The following RABEPK variants were observed in gnomAD, a reference collection of about 807,000 sequenced individuals.
RABEPK encodes the protein 40 kDa Rab9 effector protein.
In RABEPK, 27 loss-of-function variants were observed where a neutral mutation model predicts 34.1. The observed-to-expected ratio is 0.79, with a 90% CI of 0.58 to 1.09. The LOEUF (loss-of-function observed/expected upper bound fraction) is 1.09. Ranked by LOEUF, RABEPK falls within the 50% of genes least tolerant of loss-of-function variation. RABEPK has a pLI of 0.00. For synonymous variants in RABEPK, 172 were observed against 169.2 expected (o/e 1.02, Z -0.13); for missense variants, 449 against 462.6 (o/e 0.97, Z 0.27).
intron 2 of RABEPK, among the ~76,000 whole-genome samples, chr9:125,205,251 A>G (rs565553043): frequency 3.8e-4 from 58 of 152,246 alleles, no homozygotes; most frequent in Non-Finnish European, 6.0e-4. Context: ...GCATGTCCTC[A>G]TACTATATAT....
chr9:125,221,339 A>T (rs1831317817), intron 5 of RABEPK: 1 of 151,644 alleles, frequency 6.6e-6, no homozygotes, highest in Non-Finnish European at 1.5e-5. Context: ...TCTACTAAAA[A>T]TACAAAAATT....
intron 6 of RABEPK, among the ~76,000 whole-genome samples, chr9:125,230,345 G>T (rs1372233466): frequency 6.6e-6 from 1 of 152,130 alleles, no homozygotes; most frequent in Non-Finnish European, 1.5e-5. Flanking sequence ...ACAATGGGCA[G>T]AAGGCATGGG....
intron 4 of RABEPK, among the ~76,000 whole-genome samples, chr9:125,219,453 G>A (rs1056111343): frequency 6.6e-6 from 1 of 151,682 alleles, no homozygotes; most frequent in Non-Finnish European, 1.5e-5. Context: ...GGAGTGCAGT[G>A]GCATGATCTC....
intron 3 of RABEPK, among the ~76,000 whole-genome samples, chr9:125,208,019 C>T (rs188835998): frequency 4.4e-4 from 67 of 151,996 alleles, no homozygotes; most frequent in African/African-American, 1.2e-3. Flanking sequence ...CCCAGCTACT[C>T]GGGAGGCTGA....
rs1829863693 is a variant in RABEPK, at chr9:125,200,861, C to CT, written c.-51dup. 4.2e-6 allele frequency: 2 copies of CT among 471,110 alleles called. No individual in the cohort carries two copies. Among genetic ancestry groups the CT allele is most frequent in the Non-Finnish European group, 8.8e-6 (2 of 227,076 alleles). The allele number at this position is 471,110 out of a possible 1,614,324, so 29.2% of individuals were successfully genotyped here. A position where few individuals can be genotyped will look rare whatever the true frequency, so the allele number is the denominator to read the frequency against. On this transcript the variant is annotated 5_prime_UTR_variant, in exon 1 of 8. Coordinates refer to ENST00000373538, the MANE Select transcript of RABEPK (RefSeq NM_005833.4). ...TCCCGCCCACGTGAAGCCAGCCTAA[C>CT]TGAGCTCTGGACTTTGGGGACAGCT...
chr9:125,207,506 G>A (rs420423), intron 2 of RABEPK, 58 bp from the exon 3 acceptor site: 713,939 of 1,529,002 alleles, frequency 0.47, 170,017 homozygotes, highest in East Asian at 0.66. Context: ...AATGGAAAGA[G>A]CACACTACTG....
chr9:125,224,524 C>T (rs1042172571), intron 5 of RABEPK, among the ~76,000 whole-genome samples: 2 of 149,432 alleles, frequency 1.3e-5, no homozygotes, highest in East Asian at 4.0e-4. Context: ...ACAATCTTGG[C>T]TCACTGCAAC....
At chr9:125,229,588 C>G (rs1008648723) in intron 6 of RABEPK, among the ~76,000 whole-genome samples, 1 of 152,158 alleles carries the variant, frequency 6.6e-6, no homozygotes, top group African/African-American at 2.4e-5. Flanking sequence ...TTACTATGGA[C>G]CCAGCCATTT....
chr9:125,227,144 T>G lies in RABEPK; in HGVS notation c.527-766T>G, dbSNP rs554624900. 6.6e-5 allele frequency among the ~76,000 whole-genome samples: 10 copies of G among 152,196 alleles called. No homozygotes were observed. In the East Asian group the frequency reaches 1.7e-3, roughly 26 times the overall value. On this transcript the variant is annotated intron_variant, in intron 5 of 7. Transcript: ENST00000373538. ...GAGATCATGCCATTGCACTCCAGCC[T>G]GGGCGACAAGACCGAAACTTTGTCT... is the stretch of plus-strand genomic sequence containing the variant.
At chr9:125,229,319 G>C (rs1832013913) in intron 6 of RABEPK, among the ~76,000 whole-genome samples, 1 of 152,006 alleles carries the variant, frequency 6.6e-6, no homozygotes, top group African/African-American at 2.4e-5. Flanking sequence ...TGTAGTCCTG[G>C]CTACGTGGGA....
intron 4 of RABEPK, among the ~76,000 whole-genome samples, chr9:125,217,765 C>T (rs1478502442): frequency 6.6e-6 from 1 of 152,134 alleles, no homozygotes; most frequent in Non-Finnish European, 1.5e-5. Flanking sequence ...CTAGGGTCTT[C>T]TGGGCCTGGA....
chr9:125,212,732 C>T (rs1830669035), intron 3 of RABEPK, among the ~76,000 whole-genome samples: 1 of 151,654 alleles, frequency 6.6e-6, no homozygotes, highest in South Asian at 2.1e-4. Flanking sequence ...TTGCTGCAAC[C>T]TCCGCTTGGT....
At chr9:125,204,986 C>T (rs896958905) in intron 2 of RABEPK, among the ~76,000 whole-genome samples, 1 of 152,058 alleles carries the variant, frequency 6.6e-6, no homozygotes, top group Non-Finnish European at 1.5e-5. Flanking sequence ...TACTACCATG[C>T]CCAGCTAATT....
At position 125,200,624 on chromosome 9, in the gene RABEPK, C is replaced by T. The variant is rs1282962064; in HGVS notation, c.-289C>T. The stretch of plus-strand genomic sequence containing the variant: ...GGGTAGGGGCGAGGGTCCCCGGATA[C>T]CGGGTCTATCACGGTCTCGGGCAGG... On this transcript the variant is annotated 5_prime_UTR_variant, in exon 1 of 8. Coordinates refer to ENST00000373538, the MANE Select transcript of RABEPK (RefSeq NM_005833.4). The T allele has an allele frequency of 2.2e-6, 1 of 462,706 alleles. No homozygotes were observed. The highest frequency in any genetic ancestry group is 4.5e-6 in the Non-Finnish European group (1 of 220,770). The allele number at this position is 462,706 out of a possible 1,614,324, so 28.7% of individuals were successfully genotyped here. A position where few individuals can be genotyped will look rare whatever the true frequency, so the allele number is the denominator to read the frequency against.
At chr9:125,220,287 C>A in intron 4 of RABEPK, 2 of 1,375,976 alleles carry the variant, frequency 1.5e-6, no homozygotes, top group Non-Finnish European at 9.4e-7. Flanking sequence ...CAGGCATGAG[C>A]CACACTGCAC....
chr9:125,234,074 A>C lies in RABEPK; in HGVS notation c.*94A>C. 5 of 1,267,922 alleles carry C rather than the reference A, an allele frequency of 3.9e-6. No homozygotes were observed. The South Asian group carries it at 7.2e-5, about 18-fold the overall frequency. 78.5% of individuals were successfully genotyped at this position (1,267,922 alleles called of 1,614,324 possible). On this transcript the variant is annotated 3_prime_UTR_variant, in exon 8 of 8. Coordinates refer to ENST00000373538, the MANE Select transcript of RABEPK (RefSeq NM_005833.4). ...ACCTCCAAAATATCTTCTGCATTAT[A>C]TATCTGTTTTTCTCCTACTTTGGTA...
chr9:125,223,495 C>T (rs1421238441), intron 5 of RABEPK, among the ~76,000 whole-genome samples: 3 of 151,976 alleles, frequency 2.0e-5, no homozygotes, highest in African/African-American at 7.2e-5. Context: ...TGTAATATTT[C>T]CTCATGGCTA....
At chr9:125,212,812 G>A (rs767057687) in intron 3 of RABEPK, among the ~76,000 whole-genome samples, 3 of 151,902 alleles carry the variant, frequency 2.0e-5, no homozygotes, top group Admixed American at 6.6e-5. Flanking sequence ...TGGGACTACA[G>A]GCACGTGCCA....
At chr9:125,233,514 T>G (rs1832365758) in intron 7 of RABEPK, among the ~76,000 whole-genome samples, 174 bp from the exon 8 acceptor site, 1 of 151,714 alleles carries the variant, frequency 6.6e-6, no homozygotes, top group Admixed American at 6.6e-5. Context: ...AATTTTTTTT[T>G]TGTATTTTTG....
Sources: allele counts gnomAD v4.1 joint callset (sites outside exome capture counted in the v4.1 genomes callset), GRCh38; gene constraint gnomAD v4.1.1; transcripts MANE v1.5; gene names NCBI Gene and HGNC (gene_info 2026-07-23, HGNC 2026-07-21).